CLVS1: variants seen among roughly 807,000 people sequenced by gnomAD.
CLVS1 encodes the protein clavesin-1.
A neutral mutation model predicts 33.1 loss-of-function variants in CLVS1; 10 were observed. That is an observed-to-expected ratio of 0.30 (90% CI 0.19 to 0.51). The LOEUF (loss-of-function observed/expected upper bound fraction) is 0.51, where lower values mean the gene tolerates loss of function less well. Among genes scored for constraint, CLVS1 ranks in the 20% least tolerant of loss-of-function variants. The probability of loss-of-function intolerance (pLI) is 0.97; values close to 1 mark genes in which losing one functional copy is unlikely to be tolerated. For synonymous variants in CLVS1, 163 were observed against 166.1 expected (o/e 0.98, Z 0.14); for missense variants, 343 against 433.4 (o/e 0.79, Z 1.85).
At chr8:61,261,545 G>C (rs979904389) in intron 2 of CLVS1, among the ~76,000 whole-genome samples, 2 of 152,130 alleles carry the variant, frequency 1.3e-5, no homozygotes, top group Non-Finnish European at 2.9e-5. Flanking sequence ...ACATTTATAG[G>C]TTGAAGTCCT....
chr8:61,122,331 G>T (rs563690726), intron 1 of CLVS1, among the ~76,000 whole-genome samples: 1 of 152,266 alleles, frequency 6.6e-6, no homozygotes, highest in Non-Finnish European at 1.5e-5. Flanking sequence ...TTATTGCTGA[G>T]CAGGATAGTA....
At chr8:61,032,361 G>A in the CLVS1 span, among the ~76,000 whole-genome samples, 1 of 152,200 alleles carries the variant, frequency 6.6e-6, no homozygotes. Context: ...AAGCTACAAG[G>A]CAGAGAATGG....
intron 1 of CLVS1, among the ~76,000 whole-genome samples, chr8:61,082,684 T>C (rs1300931127): frequency 6.6e-6 from 1 of 152,036 alleles, no homozygotes; most frequent in African/African-American, 2.4e-5. Context: ...TGGAGTGAAA[T>C]ATTTAAAGTA....
chr8:61,013,206 A>G, the CLVS1 span, among the ~76,000 whole-genome samples: 19 of 152,038 alleles, frequency 1.2e-4, no homozygotes, highest in East Asian at 3.7e-3. Flanking sequence ...CTCCCCCATA[A>G]CCACTGGAGG....
chr8:61,153,913 A>C (rs1281049521), intron 2 of CLVS1, among the ~76,000 whole-genome samples: 2 of 152,176 alleles, frequency 1.3e-5, no homozygotes, highest in Non-Finnish European at 2.9e-5. Flanking sequence ...CAATTGGATG[A>C]GGTTTAGATG....
At chr8:61,270,773 T>G (rs1809420287) in intron 2 of CLVS1, among the ~76,000 whole-genome samples, 1 of 152,174 alleles carries the variant, frequency 6.6e-6, no homozygotes, top group African/African-American at 2.4e-5. Flanking sequence ...ATTTATCCAT[T>G]TCTTCTAGAT....
rs557650131 is a variant in CLVS1 at position 61,301,805 on chromosome 8, C to T, written c.455+1523C>T. Among the ~76,000 whole-genome samples, 3 of 152,278 alleles carry T rather than the reference C, an allele frequency of 2.0e-5. No homozygotes were observed. The East Asian group carries it at 5.8e-4, about 29-fold the overall frequency. On this transcript the variant is annotated intron_variant, in intron 2 of 5. Coordinates refer to ENST00000325897, the MANE Select transcript of CLVS1 (RefSeq NM_173519.3). ...GTGTATACTTTGTGTATTCTTACTCCTCCTCCCACGACTGCAGGTTCCTTG... is the reference window on the plus strand; with the variant it reads ...GTGTATACTTTGTGTATTCTTACTCTTCCTCCCACGACTGCAGGTTCCTTG...
chr8:60,975,180 G>A, the CLVS1 span, among the ~76,000 whole-genome samples: 5 of 152,152 alleles, frequency 3.3e-5, no homozygotes, highest in African/African-American at 7.2e-5. Context: ...ACAGGATTTA[G>A]AACCTGTGTC....
At chr8:61,409,667 G>T (rs909051702) in intron 3 of CLVS1, among the ~76,000 whole-genome samples, 1 of 152,166 alleles carries the variant, frequency 6.6e-6, no homozygotes, top group Admixed American at 6.5e-5. Context: ...TCTCAGAAGA[G>T]GGATTTTTGT....
rs112531571 is a variant in CLVS1 at position 61,403,173 on chromosome 8, G to A, written c.630+26394G>A. Among the ~76,000 whole-genome samples, 1,358 of 152,310 alleles carry A rather than the reference G, an allele frequency of 8.9e-3. 14 individuals are homozygous for A. Among genetic ancestry groups the A allele is most frequent in the African/African-American group, 0.031 (1,275 of 41,574 alleles). Reference sequence around the variant, plus strand: ...TGAGGGAAAAATGTTCCAGATAGAAGAAACAGTCAGGGCAATGCCTTGGGA... The same window carrying A: ...TGAGGGAAAAATGTTCCAGATAGAAAAAACAGTCAGGGCAATGCCTTGGGA... On this transcript the variant is annotated intron_variant, in intron 3 of 5. Coordinates refer to ENST00000325897, the MANE Select transcript of CLVS1 (RefSeq NM_173519.3).
chr8:61,470,887 C>A (rs963025682), intron 5 of CLVS1, among the ~76,000 whole-genome samples: 1 of 152,162 alleles, frequency 6.6e-6, no homozygotes, highest in African/African-American at 2.4e-5. Context: ...TGCGGAGCTT[C>A]GAGCATTTCA....
intron 2 of CLVS1, among the ~76,000 whole-genome samples, chr8:61,160,315 A>G (rs1716425830): frequency 6.6e-6 from 1 of 152,230 alleles, no homozygotes; most frequent in Admixed American, 6.5e-5. Flanking sequence ...CATGAGGAAC[A>G]TTTGCTTGTT....
At chr8:61,002,432 G>A in the CLVS1 span, among the ~76,000 whole-genome samples, 8 of 148,068 alleles carry the variant, frequency 5.4e-5, no homozygotes, top group Non-Finnish European at 1.2e-4. Context: ...AGGTTCAAGC[G>A]ATTCTCCTCC....
intron 2 of CLVS1, among the ~76,000 whole-genome samples, chr8:61,144,143 T>G (rs1315461023): frequency 6.6e-6 from 1 of 152,052 alleles, no homozygotes; most frequent in Non-Finnish European, 1.5e-5. Context: ...GGTGGTTTGC[T>G]GCACCCATCA....
intron 2 of CLVS1, among the ~76,000 whole-genome samples, chr8:61,200,462 T>C (rs1415086812): frequency 6.6e-6 from 1 of 152,248 alleles, no homozygotes; most frequent in Non-Finnish European, 1.5e-5. Context: ...CATCGTTCCA[T>C]ATGCAGGTGG....
chr8:61,025,866 G>C, the CLVS1 span, among the ~76,000 whole-genome samples: 1 of 152,138 alleles, frequency 6.6e-6, no homozygotes, highest in Non-Finnish European at 1.5e-5. Flanking sequence ...AAAGGAGTTG[G>C]CCAAGAAACA....
the CLVS1 span, among the ~76,000 whole-genome samples, chr8:60,993,727 T>A: frequency 6.6e-6 from 1 of 152,202 alleles, no homozygotes; most frequent in Non-Finnish European, 1.5e-5. Context: ...CGCCTCTTAC[T>A]GACCTCCCCC....
chr8:61,249,870 G>C (rs1464413968), intron 2 of CLVS1, among the ~76,000 whole-genome samples: 3 of 152,164 alleles, frequency 2.0e-5, no homozygotes, highest in Non-Finnish European at 4.4e-5. Flanking sequence ...TAGGTTGCCT[G>C]TTCACTCTGA....
intron 2 of CLVS1, among the ~76,000 whole-genome samples, chr8:61,346,706 G>C (rs1387889431): frequency 6.6e-6 from 1 of 152,128 alleles, no homozygotes; most frequent in Non-Finnish European, 1.5e-5. Flanking sequence ...CCTGTGTAAG[G>C]CATGGTGCCA....
Sources: gnomAD v4.1 joint callset for allele counts (sites outside exome capture counted in the v4.1 genomes callset) on GRCh38, gnomAD v4.1.1 for gene constraint, MANE v1.5 for transcripts, NCBI Gene and HGNC (gene_info 2026-07-23, HGNC 2026-07-21) for gene names.